Variants in SH3BP5 observed in about 807,000 individuals in gnomAD.
SH3BP5 encodes SH3 domain binding protein 5.
A neutral mutation model predicts 43.3 loss-of-function variants in SH3BP5; 22 were observed. The ratio of observed to expected loss-of-function variants is 0.51; its 90% CI spans 0.36 to 0.73. SH3BP5 has a LOEUF of 0.73. Ranked by LOEUF, SH3BP5 falls within the 30% of genes least tolerant of loss-of-function variation. The probability of loss-of-function intolerance (pLI) is 0.00; values close to 1 mark genes in which losing one functional copy is unlikely to be tolerated. For missense variants in SH3BP5, 529 were observed against 586.9 expected, an observed-to-expected ratio of 0.90 and a Z score of 1.02; for synonymous variants, 255 against 225.8, an observed-to-expected ratio of 1.13 and a Z score of -1.16.
chr3:15,263,076 GA>G (rs1696508858), intron 4 of SH3BP5, among the ~76,000 whole-genome samples: 1 of 152,122 alleles, frequency 6.6e-6, no homozygotes, highest in Non-Finnish European at 1.5e-5. Context: ...TATCTATTTT[GA>G]AAAAGCCTTG....
intron 3 of SH3BP5, among the ~76,000 whole-genome samples, chr3:15,282,167 C>G (rs985296252): frequency 6.6e-6 from 1 of 152,176 alleles, no homozygotes; most frequent in Non-Finnish European, 1.5e-5. Flanking sequence ...GGGTCTACAA[C>G]CTTGAACAAG....
chr3:15,325,927 G>A (rs1698449663), intron 2 of SH3BP5, among the ~76,000 whole-genome samples: 1 of 152,166 alleles, frequency 6.6e-6, no homozygotes, highest in South Asian at 2.1e-4. Context: ...GCTGAAGCTG[G>A]AGAATCGCTT....
Position 15,256,224 on chromosome 3 carries a change from A to G in SH3BP5, c.1230T>C (p.Ser410=), listed in dbSNP as rs746407482. Residue 410 remains serine, a synonymous_variant, in exon 9 of 9, where the codon AGT becomes AGC. Transcript: ENST00000383791. Reference sequence around the variant, plus strand: ...TGCTTTGGCTCTTACTGCTGCCACCACTGCCACTGCTACTGCTGAGGCCCC... The same window carrying G: ...TGCTTTGGCTCTTACTGCTGCCACCGCTGCCACTGCTACTGCTGAGGCCCC... ...NNRGLSSSSG[S]GGSSKSQSST... 1.2e-6 allele frequency: 2 copies of G among 1,613,804 alleles called. No individual in the cohort carries two copies. Among genetic ancestry groups the G allele is most frequent in the South Asian group, 2.2e-5 (2 of 91,072 alleles).
At chr3:15,318,789 C>T (rs1279334107) in intron 2 of SH3BP5, among the ~76,000 whole-genome samples, 1 of 152,174 alleles carries the variant, frequency 6.6e-6, no homozygotes, top group Non-Finnish European at 1.5e-5. Flanking sequence ...CCAAGCTGGT[C>T]CCAAATTCGT....
At chr3:15,265,224 T>C (rs942528069) in intron 4 of SH3BP5, among the ~76,000 whole-genome samples, 4 of 151,854 alleles carry the variant, frequency 2.6e-5, no homozygotes, top group Non-Finnish European at 4.4e-5. Flanking sequence ...ATACAAAACC[T>C]CCAGGGCAGC....
Position 15,283,786 on chromosome 3 carries a change from A to T in SH3BP5, c.331-13909T>A, listed in dbSNP as rs11915446. ...AAACCAAACTGCAGGCACCTGGATA[A>T]GCCCTGTCCCTCCCCACAACTCCAC... On this transcript the variant is annotated intron_variant, in intron 3 of 8. Coordinates refer to ENST00000383791, the MANE Select transcript of SH3BP5 (RefSeq NM_004844.5). Among the ~76,000 whole-genome samples the T allele has an allele frequency of 3.8e-3, 574 of 152,334 alleles. 1 individual carries two copies. Among genetic ancestry groups the T allele is most frequent in the African/African-American group, 0.013 (549 of 41,580 alleles).
chr3:15,292,083 T>C (rs1342372738), intron 3 of SH3BP5, among the ~76,000 whole-genome samples: 1 of 152,184 alleles, frequency 6.6e-6, no homozygotes, highest in African/African-American at 2.4e-5. Flanking sequence ...TCTGATTTCC[T>C]TTCACTGAAA....
At chr3:15,288,280 A>C (rs974994589) in intron 3 of SH3BP5, among the ~76,000 whole-genome samples, 10 of 152,232 alleles carry the variant, frequency 6.6e-5, no homozygotes, top group Admixed American at 2.6e-4. Context: ...CGCAGTAACA[A>C]CCAGAATTAT....
intron 3 of SH3BP5, among the ~76,000 whole-genome samples, chr3:15,281,174 A>AAGCTAT (rs986013502): frequency 2.6e-5 from 4 of 152,254 alleles, no homozygotes; most frequent in African/African-American, 9.6e-5. Context: ...TCCCTCCCCT[A>AAGCTAT]AGCTATAGCT....
intron 2 of SH3BP5, among the ~76,000 whole-genome samples, chr3:15,328,792 T>C (rs1035989217): frequency 6.6e-6 from 1 of 152,164 alleles, no homozygotes; most frequent in Non-Finnish European, 1.5e-5. Flanking sequence ...GGCGTCATAG[T>C]ACCAGAAGAT....
chr3:15,306,113 T>C (rs1194107056), intron 2 of SH3BP5, among the ~76,000 whole-genome samples: 2 of 150,788 alleles, frequency 1.3e-5, no homozygotes, highest in African/African-American at 4.9e-5. Flanking sequence ...TCCCAGCACT[T>C]TGGGAGGCCG....
At position 15,330,524 on chromosome 3, in the gene SH3BP5, TG is replaced by T; in HGVS notation, c.180del (p.Asn60LysfsTer23). ...TGTACCTCAAGTTCAGTCTCCCGTC[TG>T]TTGATATCATCCGTGGACTGATTTA... ...EKLNQSTDDI[N>X]RRETELEDAR... On this transcript the variant is annotated frameshift_variant, in exon 2 of 9. Coordinates refer to ENST00000383791, the MANE Select transcript of SH3BP5 (RefSeq NM_004844.5). LOFTEE classifies it high-confidence loss of function. 6.2e-7 allele frequency: 1 copy of T among 1,613,558 alleles called. No homozygotes were observed. Among genetic ancestry groups the T allele is most frequent in the Non-Finnish European group, 8.5e-7 (1 of 1,179,674 alleles).
At chr3:15,293,773 G>A (rs893243041) in intron 3 of SH3BP5, among the ~76,000 whole-genome samples, 1 of 152,110 alleles carries the variant, frequency 6.6e-6, no homozygotes, top group Non-Finnish European at 1.5e-5. Flanking sequence ...CCCTCAGTAT[G>A]ATGAAAATAA....
At chr3:15,281,323 G>A (rs1277614862) in intron 3 of SH3BP5, among the ~76,000 whole-genome samples, 1 of 152,126 alleles carries the variant, frequency 6.6e-6, no homozygotes, top group Non-Finnish European at 1.5e-5. Context: ...CAGGACAATT[G>A]GACCAGTGAC....
chr3:15,327,001 G>A (rs1341866212), intron 2 of SH3BP5, among the ~76,000 whole-genome samples: 1 of 152,142 alleles, frequency 6.6e-6, no homozygotes, highest in Non-Finnish European at 1.5e-5. Context: ...TCCAAGCCCT[G>A]CATTTTCCCT....
At chr3:15,283,149 G>A (rs960790176) in intron 3 of SH3BP5, among the ~76,000 whole-genome samples, 1 of 152,202 alleles carries the variant, frequency 6.6e-6, no homozygotes, top group Non-Finnish European at 1.5e-5. Flanking sequence ...TGTAATCTCA[G>A]CACTTTGGGA....
intron 3 of SH3BP5, chr3:15,273,111 C>G (rs189691486): frequency 5.1e-6 from 5 of 984,230 alleles, no homozygotes; most frequent in Middle Eastern, 5.2e-4. Flanking sequence ...GGTGGCCTCT[C>G]CTACCTATAT....
In SH3BP5 at chr3:15,294,330, TGCGC is replaced by T. The variant is rs71045148; in HGVS notation, c.330+9769_330+9772del. Among the ~76,000 whole-genome samples, 940 of 121,522 alleles carry T rather than the reference TGCGC, an allele frequency of 7.7e-3. 9 individuals are homozygous for T. Among genetic ancestry groups the T allele is most frequent in the African/African-American group, 0.022 (544 of 25,164 alleles). The allele number at this position is 121,522 out of a possible 152,430, so 79.7% of individuals were successfully genotyped here. On this transcript the variant is annotated intron_variant, in intron 3 of 8. Transcript: ENST00000383791. ...GTGTGTGTGTGTGTGTGTGTGTGTG[TGCGC>T]GCGCATGTTTACGTAACTCCCCCTC...
In SH3BP5 at chr3:15,332,552, C is replaced by T; in HGVS notation, c.-144G>A. ...GCCGACACCCGGGAGACGCAGCTCGCCGATGCGGATACCTCCGGCCGCGGC... is the reference window on the plus strand; with the variant it reads ...GCCGACACCCGGGAGACGCAGCTCGTCGATGCGGATACCTCCGGCCGCGGC... On this transcript the variant is annotated 5_prime_UTR_variant, in exon 1 of 9. Transcript: ENST00000383791. 8.1e-7 allele frequency: 1 copy of T among 1,235,814 alleles called. No homozygotes were observed. The highest frequency in any genetic ancestry group is 1.0e-6 in the Non-Finnish European group (1 of 991,720). 76.6% of individuals were successfully genotyped at this position (1,235,814 alleles called of 1,614,324 possible). A position where few individuals can be genotyped will look rare whatever the true frequency, so the allele number is the denominator to read the frequency against.
Sources: gnomAD v4.1 joint callset for allele counts (sites outside exome capture counted in the v4.1 genomes callset) on GRCh38, gnomAD v4.1.1 for gene constraint, MANE v1.5 for transcripts, NCBI Gene and HGNC (gene_info 2026-07-23, HGNC 2026-07-21) for gene names.